CNTN3: variants seen among roughly 807,000 people sequenced by gnomAD.
CNTN3 encodes contactin-3.
A neutral mutation model predicts 119.1 loss-of-function variants in CNTN3; 60 were observed. The ratio of observed to expected loss-of-function variants is 0.50; its 90% CI spans 0.41 to 0.62. The LOEUF is 0.62. Among genes scored for constraint, CNTN3 ranks in the 20% least tolerant of loss-of-function variants. CNTN3 has a pLI of 0.00. For missense variants in CNTN3, 1,101 were observed against 1,242.4 expected, an observed-to-expected ratio of 0.89 and a Z score of 1.71; for synonymous variants, 450 against 438.7, an observed-to-expected ratio of 1.03 and a Z score of -0.32.
At chr3:74,520,383 AT>A (rs1703523416) in intron 2 of CNTN3, among the ~76,000 whole-genome samples, 1 of 151,492 alleles carries the variant, frequency 6.6e-6, no homozygotes, top group Non-Finnish European at 1.5e-5. Flanking sequence ...TGAGAATATC[AT>A]AAAAAGAGGG....
At chr3:74,309,332 T>C (rs1399714358) in intron 13 of CNTN3, among the ~76,000 whole-genome samples, 2 of 152,166 alleles carry the variant, frequency 1.3e-5, no homozygotes, top group Non-Finnish European at 2.9e-5. Context: ...CTTGAACTCC[T>C]GACCTCAAGT....
At chr3:74,300,182 AC>A (rs1183746816) in intron 16 of CNTN3, among the ~76,000 whole-genome samples, 1 of 152,198 alleles carries the variant, frequency 6.6e-6, no homozygotes, top group Non-Finnish European at 1.5e-5. Context: ...AGTAATAAAA[AC>A]ATGACCAAGT....
intron 13 of CNTN3, among the ~76,000 whole-genome samples, chr3:74,314,900 G>C (rs1370280494): frequency 6.6e-6 from 1 of 152,168 alleles, no homozygotes; most frequent in Non-Finnish European, 1.5e-5. Context: ...AAATGAGGCT[G>C]AGACCTTCTG....
intron 4 of CNTN3, among the ~76,000 whole-genome samples, chr3:74,427,668 T>C (rs371513156): frequency 2.6e-4 from 39 of 152,122 alleles, no homozygotes; most frequent in African/African-American, 9.2e-4. Flanking sequence ...GACCGAGTGC[T>C]TTCCCCCTCC....
intron 5 of CNTN3, among the ~76,000 whole-genome samples, chr3:74,417,560 G>A (rs1701543574): frequency 1.3e-5 from 2 of 152,168 alleles, no homozygotes; most frequent in Non-Finnish European, 2.9e-5. Context: ...TGCCTGGATG[G>A]ACAGACTTAG....
intron 20 of CNTN3, among the ~76,000 whole-genome samples, chr3:74,272,808 G>A (rs1701805186): frequency 6.6e-6 from 1 of 152,012 alleles, no homozygotes; most frequent in South Asian, 2.1e-4. Flanking sequence ...GTTTCAACAG[G>A]CAAGAATATG....
At chr3:74,575,429 T>G (rs1704398528) in intron 1 of CNTN3, among the ~76,000 whole-genome samples, 1 of 151,926 alleles carries the variant, frequency 6.6e-6, no homozygotes, top group Non-Finnish European at 1.5e-5. Flanking sequence ...TTTTTATATT[T>G]TTAGTGGAGA....
chr3:74,457,076 C>A (rs1159369053), intron 4 of CNTN3, among the ~76,000 whole-genome samples: 1 of 151,804 alleles, frequency 6.6e-6, no homozygotes, highest in Non-Finnish European at 1.5e-5. Flanking sequence ...TTATAAAGTT[C>A]TATGAAAAAA....
intron 6 of CNTN3, among the ~76,000 whole-genome samples, chr3:74,370,215 C>T (rs912614749): frequency 6.6e-6 from 1 of 151,760 alleles, no homozygotes; most frequent in Non-Finnish European, 1.5e-5. Context: ...GCTTTTTAGC[C>T]TCTAACAAAA....
At chr3:74,331,826 T>C (rs767651688) in intron 13 of CNTN3, among the ~76,000 whole-genome samples, 2 of 152,166 alleles carry the variant, frequency 1.3e-5, no homozygotes, top group Non-Finnish European at 2.9e-5. Flanking sequence ...ATTATTCCAA[T>C]TGTGCAAAAA....
intron 4 of CNTN3, among the ~76,000 whole-genome samples, chr3:74,430,412 T>G (rs990622905): frequency 7.2e-5 from 11 of 152,134 alleles, no homozygotes; most frequent in Admixed American, 2.0e-4. Flanking sequence ...ACTATATGAT[T>G]CCATTTATGT....
At chr3:74,283,600 T>C (rs1387717452) in intron 20 of CNTN3, among the ~76,000 whole-genome samples, 1 of 152,184 alleles carries the variant, frequency 6.6e-6, no homozygotes, top group Non-Finnish European at 1.5e-5. Flanking sequence ...CACTGTCTTT[T>C]ACTATCATAA....
chr3:74,491,670 T>A (rs1031885603), intron 3 of CNTN3, among the ~76,000 whole-genome samples: 6 of 152,124 alleles, frequency 3.9e-5, no homozygotes, highest in African/African-American at 1.4e-4. Context: ...ATTCAAACAT[T>A]CAGTAGTAAG....
intron 5 of CNTN3, among the ~76,000 whole-genome samples, chr3:74,418,156 T>C (rs1701555243): frequency 1.3e-5 from 2 of 152,206 alleles, no homozygotes; most frequent in South Asian, 4.1e-4. Context: ...TGACCTCTGA[T>C]GCAAATGTGA....
intron 5 of CNTN3, among the ~76,000 whole-genome samples, chr3:74,415,540 T>C (rs1199843504): frequency 6.6e-6 from 1 of 152,212 alleles, no homozygotes; most frequent in Non-Finnish European, 1.5e-5. Context: ...CATTACTACA[T>C]ACATACACAC....
At chr3:74,288,036 G>T (rs370483446) in intron 19 of CNTN3, among the ~76,000 whole-genome samples, 6 of 151,978 alleles carry the variant, frequency 3.9e-5, no homozygotes, top group African/African-American at 1.4e-4. Context: ...GTGCTACAGT[G>T]AATTCTTTGC....
At chr3:74,294,802 T>C (rs1466811347) in intron 19 of CNTN3, among the ~76,000 whole-genome samples, 2 of 152,160 alleles carry the variant, frequency 1.3e-5, no homozygotes, top group African/African-American at 4.8e-5. Context: ...TTCCTGTTGA[T>C]GAAAGTACTC....
intron 4 of CNTN3, among the ~76,000 whole-genome samples, chr3:74,451,770 G>T (rs1214259090): frequency 2.0e-5 from 3 of 150,984 alleles, no homozygotes; most frequent in South Asian, 2.1e-4. Context: ...ATTAAATAGG[G>T]AATCCTTTCC....
chr3:74,280,499 G>A (rs1701983186), intron 20 of CNTN3, among the ~76,000 whole-genome samples: 1 of 152,176 alleles, frequency 6.6e-6, no homozygotes, highest in Non-Finnish European at 1.5e-5. Flanking sequence ...ACTTAGCTCT[G>A]GGTAGAATAA....
Sources: allele counts gnomAD v4.1 joint callset (sites outside exome capture counted in the v4.1 genomes callset), GRCh38; gene constraint gnomAD v4.1.1; transcripts MANE v1.5; gene names NCBI Gene and HGNC (gene_info 2026-07-23, HGNC 2026-07-21).